Variants in GLYR1 observed in about 807,000 individuals in gnomAD.
GLYR1 encodes cytokine-like nuclear factor N-PAC.
GLYR1 carries 21 observed loss-of-function variants against 72.7 expected under a neutral mutation model. The ratio of observed to expected loss-of-function variants is 0.29; its 90% CI spans 0.20 to 0.42. The LOEUF (loss-of-function observed/expected upper bound fraction) is 0.42. GLYR1 is among the 10% of genes least tolerant of loss of function. GLYR1 has a pLI of 1.00. For synonymous variants in GLYR1, 392 were observed against 270.2 expected (o/e 1.45, Z -4.42); for missense variants, 594 against 712.1 (o/e 0.83, Z 1.89).
At chr16:4,843,489 C>G in intron 3 of GLYR1, 4 of 1,277,898 alleles carry the variant, frequency 3.1e-6, no homozygotes, top group Non-Finnish European at 4.1e-6. Flanking sequence ...GTTCTAAGAA[C>G]ATTCCCTCTT....
rs886523895 is a variant in GLYR1, at chr16:4,827,392, G to A, written c.538-3485C>T. Among the ~76,000 whole-genome samples the A allele has an allele frequency of 2.6e-5, 4 of 152,266 alleles. No individual in the cohort carries two copies. The East Asian group carries it at 5.8e-4, about 22-fold the overall frequency. On this transcript the variant is annotated intron_variant, in intron 5 of 15. Transcript: ENST00000321919. ...CTGTCTGAAGGTGCTGAACTGAAAC[G>A]GCTATCTGTCCTGTACCACATGCCA...
chr16:4,812,020 G>C (rs2083347692), intron 13 of GLYR1, 66 bp downstream of exon 13: 1 of 1,546,254 alleles, frequency 6.5e-7, no homozygotes, highest in Non-Finnish European at 8.7e-7. Context: ...GACTGACGCT[G>C]TCATCAGTGT....
intron 15 of GLYR1, 102 bp downstream of exon 15, chr16:4,811,068 G>T: frequency 7.1e-7 from 1 of 1,407,790 alleles, no homozygotes; most frequent in Non-Finnish European, 9.5e-7. Context: ...TCGCACCAGT[G>T]CACTCTAGCC....
chr16:4,815,844 C>T (rs559857103), intron 10 of GLYR1, among the ~76,000 whole-genome samples: 4 of 152,092 alleles, frequency 2.6e-5, no homozygotes, highest in African/African-American at 7.2e-5. Flanking sequence ...TGCAGTGGCA[C>T]GATCTCAGCT....
chr16:4,834,123 G>A (rs1347639264), intron 3 of GLYR1, among the ~76,000 whole-genome samples: 3 of 152,066 alleles, frequency 2.0e-5, no homozygotes, highest in Admixed American at 2.0e-4. Context: ...TGTGCTGCTG[G>A]TAGTTGTGAT....
At chr16:4,807,107 CTTTT>C (rs765039360) in intron 15 of GLYR1, among the ~76,000 whole-genome samples, 3 of 110,882 alleles carry the variant, frequency 2.7e-5, no homozygotes, top group Admixed American at 1.9e-4. Context: ...CGCCTGGCCC[CTTTT>C]TTTTTTTTTT....
rs114165791 is a variant in GLYR1, at chr16:4,820,661, T to A, written c.806+719A>T. Reference sequence around the variant, plus strand: ...CATGTAAAAGATGCACTGTTTTTAGTCTGGGGAAGACCATGTGAAAGGTAC... The same window carrying A: ...CATGTAAAAGATGCACTGTTTTTAGACTGGGGAAGACCATGTGAAAGGTAC... On this transcript the variant is annotated intron_variant, in intron 9 of 15. Coordinates refer to ENST00000321919, the MANE Select transcript of GLYR1 (RefSeq NM_032569.4). Among the ~76,000 whole-genome samples the A allele has an allele frequency of 7.0e-3, 1,069 of 152,336 alleles. 10 individuals are homozygous for A. The highest frequency in any genetic ancestry group is 0.025 in the African/African-American group (1,025 of 41,590).
intron 13 of GLYR1, 130 bp downstream of exon 13, chr16:4,811,956 C>G: frequency 7.0e-7 from 1 of 1,428,058 alleles, no homozygotes; most frequent in Non-Finnish European, 9.5e-7. Context: ...CACGCACTGA[C>G]TATGCAGGTG....
chr16:4,829,761 C>T (rs773362755), intron 5 of GLYR1, among the ~76,000 whole-genome samples: 8 of 152,162 alleles, frequency 5.3e-5, no homozygotes, highest in Non-Finnish European at 1.2e-4. Context: ...CAACCTCTGC[C>T]TCCTGGGTTC....
At chr16:4,845,453 A>G (rs534428571) in intron 2 of GLYR1, among the ~76,000 whole-genome samples, 1 of 152,302 alleles carries the variant, frequency 6.6e-6, no homozygotes, top group South Asian at 2.1e-4. Flanking sequence ...CTGTTTTACA[A>G]GCAGTTAAAA....
intron 15 of GLYR1, among the ~76,000 whole-genome samples, chr16:4,810,414 G>A (rs2141949296): frequency 6.6e-6 from 1 of 151,750 alleles, no homozygotes; most frequent in South Asian, 2.1e-4. Context: ...GGAGGCAGAG[G>A]CACAAAAATC....
intron 5 of GLYR1, among the ~76,000 whole-genome samples, chr16:4,826,626 G>A (rs1369252665): frequency 2.0e-5 from 3 of 152,148 alleles, no homozygotes; most frequent in Non-Finnish European, 4.4e-5. Context: ...GAGGTTTTTG[G>A]GGGAAAAGAA....
intron 15 of GLYR1, among the ~76,000 whole-genome samples, chr16:4,805,555 G>A (rs903780259): frequency 6.6e-6 from 1 of 152,204 alleles, no homozygotes; most frequent in Non-Finnish European, 1.5e-5. Flanking sequence ...TACACTATGG[G>A]ATATAAAACA....
intron 15 of GLYR1, among the ~76,000 whole-genome samples, chr16:4,810,928 A>G (rs977158342): frequency 2.6e-5 from 4 of 151,788 alleles, no homozygotes; most frequent in Non-Finnish European, 5.9e-5. Flanking sequence ...AACAAGGAGA[A>G]ACCCCATCTC....
chr16:4,835,019 T>C (rs557947723), intron 3 of GLYR1, among the ~76,000 whole-genome samples: 1 of 152,164 alleles, frequency 6.6e-6, no homozygotes, highest in African/African-American at 2.4e-5. Context: ...ACAACCAGTA[T>C]CAAGGATGAA....
In GLYR1 at chr16:4,805,254, G is replaced by A. The variant is rs765919964; in HGVS notation, c.1644C>T (p.Tyr548=). Residue 548 remains tyrosine, a synonymous_variant, in exon 16 of 16, where the codon TAC becomes TAT. Coordinates refer to ENST00000321919, the MANE Select transcript of GLYR1 (RefSeq NM_032569.4). ...CGACAGCTTAGTGTATGTAGGCTCG[G>A]TACACGGCGGACATATCGTTGTCAG... ...DQSDNDMSAV[Y]RAYIH The A allele has an allele frequency of 1.9e-6, 3 of 1,613,968 alleles. No individual in the cohort carries two copies.
chr16:4,837,157 C>T (rs563793985), intron 3 of GLYR1, among the ~76,000 whole-genome samples: 1 of 152,312 alleles, frequency 6.6e-6, no homozygotes, highest in African/African-American at 2.4e-5. Flanking sequence ...ACATGTAGGG[C>T]CCGGTGCGGT....
At chr16:4,819,198 T>TGG (rs140415513) in intron 9 of GLYR1, among the ~76,000 whole-genome samples, 5,047 of 152,052 alleles carry the variant, frequency 0.033, 296 homozygotes, top group African/African-American at 0.12. Flanking sequence ...AAAAGAGAGA[T>TGG]GGGGGGGTCT....
At chr16:4,837,606 G>C (rs1419389104) in intron 3 of GLYR1, among the ~76,000 whole-genome samples, 1 of 152,076 alleles carries the variant, frequency 6.6e-6, no homozygotes, top group African/African-American at 2.4e-5. Context: ...AAGATGGCAG[G>C]GGGAGGGAGA....
Sources: allele counts gnomAD v4.1 joint callset (sites outside exome capture counted in the v4.1 genomes callset), GRCh38; gene constraint gnomAD v4.1.1; transcripts MANE v1.5; gene names NCBI Gene and HGNC (gene_info 2026-07-23, HGNC 2026-07-21).